The following ZNF385D variants were observed in gnomAD, a reference collection of about 807,000 sequenced individuals.
ZNF385D encodes zinc finger protein 659.
Under a neutral mutation model 35.8 loss-of-function variants are expected in ZNF385D, and 15 were observed. The observed-to-expected ratio is 0.42, with a 90% CI of 0.28 to 0.64. The LOEUF (loss-of-function observed/expected upper bound fraction) is 0.64. Among genes scored for constraint, ZNF385D ranks in the 30% least tolerant of loss-of-function variants. The probability of loss-of-function intolerance (pLI) is 0.23; values close to 1 mark genes in which losing one functional copy is unlikely to be tolerated. For synonymous variants in ZNF385D, 212 were observed against 186.8 expected, an observed-to-expected ratio of 1.13 and a Z score of -1.10; for missense variants, 474 against 494.6, an observed-to-expected ratio of 0.96 and a Z score of 0.39.
intron 4 of ZNF385D, among the ~76,000 whole-genome samples, chr3:21,470,939 G>T (rs1333226243): frequency 1.3e-5 from 2 of 152,206 alleles, no homozygotes; most frequent in East Asian, 1.9e-4. Flanking sequence ...TCTGATAGTA[G>T]ACTAAAGTAG....
At chr3:22,080,369 C>T (rs907176880) in intron 3 of ZNF385D, among the ~76,000 whole-genome samples, 8 of 152,152 alleles carry the variant, frequency 5.3e-5, no homozygotes, top group South Asian at 4.2e-4. Context: ...GCTGAGAACA[C>T]TCATTCTACT....
intron 2 of ZNF385D, among the ~76,000 whole-genome samples, chr3:22,196,606 T>C (rs2125235149): frequency 6.6e-6 from 1 of 152,166 alleles, no homozygotes; most frequent in South Asian, 2.1e-4. Flanking sequence ...ATCTTTCCTC[T>C]ACTTATTAGA....
chr3:21,597,494 GAGAA>G (rs2064159557), intron 2 of ZNF385D, among the ~76,000 whole-genome samples: 1 of 152,070 alleles, frequency 6.6e-6, no homozygotes, highest in South Asian at 2.1e-4. Context: ...ATTTATAAAG[GAGAA>G]AGAGAGAATG....
chr3:22,201,003 G>C (rs1458781122), intron 2 of ZNF385D, among the ~76,000 whole-genome samples: 3 of 151,964 alleles, frequency 2.0e-5, no homozygotes, highest in Admixed American at 2.0e-4. Context: ...TACAGTTAAT[G>C]CAATTATTAC....
chr3:21,809,011 G>T (rs2072782290), intron 3 of ZNF385D, among the ~76,000 whole-genome samples: 1 of 152,128 alleles, frequency 6.6e-6, no homozygotes, highest in South Asian at 2.1e-4. Context: ...TATAAGAAAA[G>T]ATAAGGAAAC....
intron 3 of ZNF385D, among the ~76,000 whole-genome samples, chr3:22,026,104 G>A (rs1398446241): frequency 2.0e-5 from 3 of 152,138 alleles, no homozygotes; most frequent in African/African-American, 4.8e-5. Flanking sequence ...GACATTGATA[G>A]GAAGTGAAAT....
chr3:21,795,306 G>A (rs1430185362), intron 3 of ZNF385D, among the ~76,000 whole-genome samples: 1 of 152,190 alleles, frequency 6.6e-6, no homozygotes, highest in African/African-American at 2.4e-5. Flanking sequence ...AGCCTGGAAA[G>A]TCTGTGCCTC....
chr3:21,973,319 T>G (rs1219681225), intron 3 of ZNF385D, among the ~76,000 whole-genome samples: 1 of 151,918 alleles, frequency 6.6e-6, no homozygotes, highest in African/African-American at 2.4e-5. Context: ...ACAACAACCA[T>G]ATGATAATTT....
intron 2 of ZNF385D, among the ~76,000 whole-genome samples, chr3:22,228,722 C>T (rs564302904): frequency 7.9e-5 from 12 of 152,244 alleles, no homozygotes; most frequent in Middle Eastern, 3.4e-3. Flanking sequence ...CTGGGAGTGG[C>T]AGACCCACTC....
chr3:22,096,343 TA>T (rs1701623084), intron 3 of ZNF385D, among the ~76,000 whole-genome samples: 1 of 142,574 alleles, frequency 7.0e-6, no homozygotes. Context: ...TTTAAATAAA[TA>T]AATACAAATT....
At chr3:21,472,565 T>G (rs1288730406) in intron 4 of ZNF385D, among the ~76,000 whole-genome samples, 1 of 152,140 alleles carries the variant, frequency 6.6e-6, no homozygotes, top group Non-Finnish European at 1.5e-5. Flanking sequence ...TAAAATAAAT[T>G]TGACCTAAAG....
At chr3:21,485,060 T>A (rs1474985246) in intron 4 of ZNF385D, among the ~76,000 whole-genome samples, 9 of 152,194 alleles carry the variant, frequency 5.9e-5, no homozygotes, top group Non-Finnish European at 1.2e-4. Flanking sequence ...TTATGTGTTC[T>A]GTCCAGACTT....
intron 1 of ZNF385D, among the ~76,000 whole-genome samples, chr3:21,692,817 C>T (rs940474716): frequency 2.0e-5 from 3 of 152,164 alleles, no homozygotes; most frequent in African/African-American, 7.2e-5. Flanking sequence ...CATCACAATT[C>T]CCATGTGTCT....
chr3:21,963,160 A>G (rs1164196113), intron 3 of ZNF385D, among the ~76,000 whole-genome samples: 1 of 152,170 alleles, frequency 6.6e-6, no homozygotes, highest in Non-Finnish European at 1.5e-5. Context: ...TCTTTTCTGG[A>G]TATTAAAGCT....
At chr3:22,289,353 G>C (rs1157226615) in intron 2 of ZNF385D, among the ~76,000 whole-genome samples, 1 of 152,084 alleles carries the variant, frequency 6.6e-6, no homozygotes, top group Non-Finnish European at 1.5e-5. Context: ...TTGTGTGCTT[G>C]GTACATAGAA....
intron 1 of ZNF385D, among the ~76,000 whole-genome samples, chr3:21,717,720 G>A (rs998826605): frequency 6.6e-6 from 1 of 152,118 alleles, no homozygotes; most frequent in African/African-American, 2.4e-5. Flanking sequence ...TTTATAAAGG[G>A]AAACCCCTTT....
intron 2 of ZNF385D, among the ~76,000 whole-genome samples, chr3:22,202,694 C>T (rs1390455807): frequency 2.6e-5 from 4 of 152,138 alleles, no homozygotes; most frequent in Admixed American, 2.0e-4. Context: ...TCCCCTCTCT[C>T]CTGTCCCCTA....
intron 2 of ZNF385D, among the ~76,000 whole-genome samples, chr3:22,317,111 C>T (rs1007724565): frequency 6.6e-6 from 1 of 151,622 alleles, no homozygotes; most frequent in African/African-American, 2.4e-5. Flanking sequence ...AACCCCTTCT[C>T]TACTAAAAAT....
At chr3:22,347,176 C>A (rs1226351783) in intron 2 of ZNF385D, among the ~76,000 whole-genome samples, 1 of 152,096 alleles carries the variant, frequency 6.6e-6, no homozygotes, top group Non-Finnish European at 1.5e-5. Context: ...AGCTATAGAG[C>A]AAAATCATAT....
Sources: allele counts gnomAD v4.1 joint callset (sites outside exome capture counted in the v4.1 genomes callset), GRCh38; gene constraint gnomAD v4.1.1; transcripts MANE v1.5; gene names NCBI Gene and HGNC (gene_info 2026-07-23, HGNC 2026-07-21).